PDZRN4: variants seen among roughly 807,000 people sequenced by gnomAD.
The protein encoded by PDZRN4 is PDZ domain-containing RING finger protein 4.
PDZRN4 carries 70 observed loss-of-function variants against 99.0 expected under a neutral mutation model. That is an observed-to-expected ratio of 0.71 (90% CI 0.58 to 0.86). The LOEUF is 0.86. Ranked by LOEUF, PDZRN4 falls within the 40% of genes least tolerant of loss-of-function variation. The pLI, the probability that PDZRN4 is intolerant of heterozygous loss-of-function variation, is 0.00. For missense variants in PDZRN4, 1,474 were observed against 1,331.2 expected (o/e 1.11, Z -1.67); for synonymous variants, 551 against 501.6 (o/e 1.10, Z -1.32).
chr12:41,459,987 T>G, intron 3 of PDZRN4: 1 of 1,288,080 alleles, frequency 7.8e-7, no homozygotes, highest in Non-Finnish European at 1.0e-6. Context: ...TGCATGAAAT[T>G]GAGAAATTGC....
intron 3 of PDZRN4, among the ~76,000 whole-genome samples, chr12:41,287,415 T>C (rs1297388249): frequency 6.6e-6 from 1 of 152,254 alleles, no homozygotes; most frequent in East Asian, 1.9e-4. Context: ...GTATCAATTC[T>C]ACCCAAATTA....
intron 7 of PDZRN4, among the ~76,000 whole-genome samples, chr12:41,556,014 A>G (rs558066100): frequency 6.6e-6 from 1 of 152,226 alleles, no homozygotes; most frequent in East Asian, 1.9e-4. Context: ...CAGCTTCACC[A>G]TTTGCTTGGC....
intron 8 of PDZRN4, among the ~76,000 whole-genome samples, chr12:41,566,920 A>G (rs954469362): frequency 1.3e-5 from 2 of 152,222 alleles, no homozygotes; most frequent in Non-Finnish European, 1.5e-5. Flanking sequence ...GAGGCAAATT[A>G]TCTGTAGTAA....
chr12:41,321,989 A>T (rs1333365003), intron 3 of PDZRN4, among the ~76,000 whole-genome samples: 1 of 152,086 alleles, frequency 6.6e-6, no homozygotes, highest in Non-Finnish European at 1.5e-5. Context: ...CTGGTTCTTA[A>T]CACACCTCTG....
chr12:41,294,293 T>G (rs562191422), intron 3 of PDZRN4, among the ~76,000 whole-genome samples: 1 of 152,320 alleles, frequency 6.6e-6, no homozygotes, highest in East Asian at 1.9e-4. Flanking sequence ...AGGCTGTTTC[T>G]CACCTGTAAA....
intron 3 of PDZRN4, among the ~76,000 whole-genome samples, chr12:41,310,780 C>T (rs1951601361): frequency 6.6e-6 from 1 of 152,184 alleles, no homozygotes; most frequent in African/African-American, 2.4e-5. Flanking sequence ...CAAATTCTTA[C>T]AAATATTTTG....
intron 3 of PDZRN4, among the ~76,000 whole-genome samples, chr12:41,260,002 T>C (rs1951226992): frequency 6.6e-6 from 1 of 152,154 alleles, no homozygotes; most frequent in Non-Finnish European, 1.5e-5. Flanking sequence ...TTTAGAATAC[T>C]GTTGGCAAAC....
chr12:41,481,929 A>G (rs1937679768), intron 3 of PDZRN4, among the ~76,000 whole-genome samples: 1 of 152,202 alleles, frequency 6.6e-6, no homozygotes, highest in Admixed American at 6.6e-5. Context: ...TAAGAAGAAT[A>G]ATTTAATTAT....
intron 3 of PDZRN4, among the ~76,000 whole-genome samples, chr12:41,371,261 A>G (rs1952039197): frequency 6.6e-6 from 1 of 151,568 alleles, no homozygotes; most frequent in South Asian, 2.1e-4. Context: ...TTCTATAACT[A>G]TTATATTAAT....
At chr12:41,397,013 T>A (rs889395599) in intron 3 of PDZRN4, among the ~76,000 whole-genome samples, 1 of 151,896 alleles carries the variant, frequency 6.6e-6, no homozygotes, top group South Asian at 2.1e-4. Context: ...AAAAAAAAAA[T>A]TCCCAAATAC....
At chr12:41,265,085 C>T (rs1474113496) in intron 3 of PDZRN4, among the ~76,000 whole-genome samples, 1 of 150,954 alleles carries the variant, frequency 6.6e-6, no homozygotes, top group East Asian at 1.9e-4. Flanking sequence ...ATGTACCCCC[C>T]AAATCTAGAA....
At chr12:41,523,443 T>C (rs893430279) in intron 5 of PDZRN4, among the ~76,000 whole-genome samples, 5 of 152,256 alleles carry the variant, frequency 3.3e-5, no homozygotes, top group Non-Finnish European at 2.9e-5. Context: ...CAGCCAAACA[T>C]AGTGAGCTCA....
intron 3 of PDZRN4, among the ~76,000 whole-genome samples, chr12:41,401,610 A>G (rs1952289184): frequency 6.6e-6 from 1 of 152,070 alleles, no homozygotes; most frequent in South Asian, 2.1e-4. Flanking sequence ...CTTCTTTGCC[A>G]TTCTAGTCTT....
At chr12:41,314,956 G>T (rs1314647693) in intron 3 of PDZRN4, among the ~76,000 whole-genome samples, 1 of 151,906 alleles carries the variant, frequency 6.6e-6, no homozygotes. Flanking sequence ...CATCAAGAAT[G>T]GTAACTCATG....
At chr12:41,246,259 A>G (rs1951133024) in intron 3 of PDZRN4, among the ~76,000 whole-genome samples, 1 of 152,152 alleles carries the variant, frequency 6.6e-6, no homozygotes, top group Non-Finnish European at 1.5e-5. Flanking sequence ...GATTAGTCCA[A>G]TATATTCATC....
intron 3 of PDZRN4, among the ~76,000 whole-genome samples, chr12:41,296,892 A>G (rs1038813413): frequency 2.6e-5 from 4 of 152,132 alleles, no homozygotes; most frequent in Admixed American, 6.6e-5. Flanking sequence ...CAGGAGGTTG[A>G]CACTGCAGTG....
At chr12:41,295,899 G>T (rs987690734) in intron 3 of PDZRN4, among the ~76,000 whole-genome samples, 1 of 152,066 alleles carries the variant, frequency 6.6e-6, no homozygotes, top group African/African-American at 2.4e-5. Flanking sequence ...GTTTACAAAT[G>T]GATAACTTTT....
chr12:41,434,104 A>G (rs1161817987), intron 3 of PDZRN4, among the ~76,000 whole-genome samples: 2 of 152,200 alleles, frequency 1.3e-5, no homozygotes, highest in Admixed American at 1.3e-4. Context: ...GTGAAAATAT[A>G]GAGTAATGAC....
intron 3 of PDZRN4, among the ~76,000 whole-genome samples, chr12:41,393,192 T>A (rs1237553639): frequency 1.3e-5 from 2 of 152,214 alleles, no homozygotes; most frequent in Non-Finnish European, 2.9e-5. Flanking sequence ...TTCCTCTTTT[T>A]AAATCATGCA....
Sources: gnomAD v4.1 joint callset for allele counts (sites outside exome capture counted in the v4.1 genomes callset) on GRCh38, gnomAD v4.1.1 for gene constraint, MANE v1.5 for transcripts, NCBI Gene and HGNC (gene_info 2026-07-23, HGNC 2026-07-21) for gene names.